ZNF577: variants seen among roughly 807,000 people sequenced by gnomAD.
ZNF577 encodes the protein zinc finger protein 577.
Under a neutral mutation model 13.9 loss-of-function variants are expected in ZNF577, and 14 were observed. That is an observed-to-expected ratio of 1.00 (90% CI 0.66 to 1.57). The LOEUF (loss-of-function observed/expected upper bound fraction) is 1.57. Among genes scored for constraint, ZNF577 ranks in the 40% most tolerant of loss-of-function variants. The pLI is 0.00. For synonymous variants in ZNF577, 203 were observed against 202.9 expected (o/e 1.00, Z 0.00); for missense variants, 555 against 579.2 (o/e 0.96, Z 0.43).
chr19:51,831,699 C>T (rs937857614), intron 9 of ZNF577, among the ~76,000 whole-genome samples: 1 of 152,098 alleles, frequency 6.6e-6, no homozygotes, highest in African/African-American at 2.4e-5. Flanking sequence ...ATAATAAAAA[C>T]ATCTGAATCC....
chr19:51,857,450 G>A (rs2084448149), intron 5 of ZNF577, among the ~76,000 whole-genome samples: 1 of 151,478 alleles, frequency 6.6e-6, no homozygotes, highest in Non-Finnish European at 1.5e-5. Flanking sequence ...AAGAAAGGAA[G>A]GAGAAGAAAT....
chr19:51,842,061 G>T (rs1268658662), intron 8 of ZNF577, among the ~76,000 whole-genome samples: 1 of 152,134 alleles, frequency 6.6e-6, no homozygotes, highest in East Asian at 1.9e-4. Flanking sequence ...ATCAAACTTG[G>T]AAAAGATTCT....
chr19:51,809,324 T>C (rs2084081963), intron 10 of ZNF577, among the ~76,000 whole-genome samples: 2 of 152,336 alleles, frequency 1.3e-5, no homozygotes, highest in South Asian at 2.1e-4. Context: ...TAGAAGTTAA[T>C]TGCAAGGGCC....
chr19:51,876,034 G>C (rs1194662379), intron 5 of ZNF577, among the ~76,000 whole-genome samples: 1 of 152,214 alleles, frequency 6.6e-6, no homozygotes, highest in Non-Finnish European at 1.5e-5. Context: ...CACAGGGAGG[G>C]AAAGGATTTT....
At chr19:51,860,855 C>T in intron 5 of ZNF577, 1 of 370,872 alleles carries the variant, frequency 2.7e-6, no homozygotes, top group Non-Finnish European at 5.1e-6. Context: ...AGATTTCTCT[C>T]GTAAACAAGA....
chr19:51,873,472 A>G lies in ZNF577; in HGVS notation c.518T>C (p.Leu173Pro). Reference protein sequence around the residue: ...CGRAFSRKAQLIQHQRTERGE... With the variant: ...CGRAFSRKAQPIQHQRTERGE... ...TCTTTCAGTTCTCTGATGTTGAATA[A>G]GCTGTGCTTTCCTGGAGAAGGCTCT... Residue 173 changes from leucine to proline, a missense_variant, in exon 6 of 6, where the codon CTT (leucine) becomes CCT (proline). Transcript: ENST00000638348. 1 of 1,614,202 alleles carries G rather than the reference A, an allele frequency of 6.2e-7. No homozygotes were observed.
At chr19:51,860,920 T>C (rs770147114) in intron 5 of ZNF577, 12 of 415,202 alleles carry the variant, frequency 2.9e-5, no homozygotes, top group South Asian at 2.1e-4. Flanking sequence ...TGAGGTGTGA[T>C]TCTTCTTAGC....
intron 9 of ZNF577, among the ~76,000 whole-genome samples, chr19:51,836,499 C>T (rs557892393): frequency 2.4e-4 from 37 of 152,212 alleles, no homozygotes; most frequent in South Asian, 1.2e-3. Context: ...TTGGCCATTT[C>T]TATGTCTTCT....
downstream of ZNF577, among the ~76,000 whole-genome samples, chr19:51,865,702 T>A (rs892306659): frequency 4.0e-4 from 61 of 152,284 alleles, no homozygotes; most frequent in African/African-American, 1.3e-3. Flanking sequence ...TTAAACACAT[T>A]TGGAAGGGGT....
rs527866838 is a variant in ZNF577 at position 51,837,339 on chromosome 19, T to C, written c.*599+2554A>G. ...ATTGGTTGATACAGCTGAGCGCTGA[T>C]TGGCCAGGGAAGGTGAACTCTGATT... On this transcript the variant is annotated intron_variant and NMD_transcript_variant, in intron 9 of 10. Transcript: ENST00000638827. 2.6e-5 allele frequency among the ~76,000 whole-genome samples: 4 copies of C among 152,332 alleles called. No homozygotes were observed. In the South Asian group the frequency reaches 6.2e-4, roughly 24 times the overall value.
chr19:51,832,869 T>C (rs1657331079), intron 9 of ZNF577, among the ~76,000 whole-genome samples: 1 of 152,228 alleles, frequency 6.6e-6, no homozygotes, highest in African/African-American at 2.4e-5. Flanking sequence ...CCGGACTCTA[T>C]TGTGTTCCAT....
rs1424582782 is a variant in ZNF577 at position 51,870,728 on chromosome 19, G to A, written c.*1804C>T. Among the ~76,000 whole-genome samples, 2 of 151,946 alleles carry A rather than the reference G, an allele frequency of 1.3e-5. No homozygotes were observed. Among genetic ancestry groups the A allele is most frequent in the Admixed American group, 6.6e-5 (1 of 15,260 alleles). The stretch of plus-strand genomic sequence containing the variant: ...TCCAATAATCCAATTCATGAATTTG[G>A]GCCACCTTGAATTCCTCAAACCCTA... On this transcript the variant is annotated 3_prime_UTR_variant, in exon 6 of 6. Coordinates refer to ENST00000638348, the MANE Select transcript of ZNF577 (RefSeq NM_001370449.1).
At chr19:51,853,839 GACAAT>G (rs1456652804) in intron 5 of ZNF577, among the ~76,000 whole-genome samples, 3 of 152,090 alleles carry the variant, frequency 2.0e-5, no homozygotes, top group South Asian at 2.1e-4. Flanking sequence ...TGCTTTGTAG[GACAAT>G]ACATTATTAT....
intron 9 of ZNF577, among the ~76,000 whole-genome samples, chr19:51,815,523 C>T (rs1259447630): frequency 1.3e-5 from 2 of 151,334 alleles, no homozygotes; most frequent in Non-Finnish European, 2.9e-5. Flanking sequence ...GAGCCAAGAT[C>T]CCGCCACTGC....
At chr19:51,831,567 C>A (rs1221823934) in intron 9 of ZNF577, among the ~76,000 whole-genome samples, 1 of 152,224 alleles carries the variant, frequency 6.6e-6, no homozygotes, top group African/African-American at 2.4e-5. Flanking sequence ...AATCTTTCTG[C>A]ATTCACTCTT....
At chr19:51,883,526 T>G (rs1192880927) in intron 1 of ZNF577, among the ~76,000 whole-genome samples, 1 of 152,094 alleles carries the variant, frequency 6.6e-6, no homozygotes, top group African/African-American at 2.4e-5. Flanking sequence ...AGTCCCATGT[T>G]CAATTTTTTT....
chr19:51,854,603 G>C (rs1162247123), intron 5 of ZNF577, among the ~76,000 whole-genome samples: 1 of 150,654 alleles, frequency 6.6e-6, no homozygotes, highest in Admixed American at 6.6e-5. Context: ...CAAAGTACTG[G>C]GTTTACAAGT....
intron 9 of ZNF577, among the ~76,000 whole-genome samples, chr19:51,828,256 T>C (rs1044145906): frequency 1.3e-5 from 2 of 151,788 alleles, no homozygotes; most frequent in African/African-American, 4.8e-5. Flanking sequence ...TAATCCCAGC[T>C]ACTTGGAAGA....
chr19:51,846,514 CCTGGCCAA>C (rs1395614390), intron 5 of ZNF577, among the ~76,000 whole-genome samples: 1 of 152,074 alleles, frequency 6.6e-6, no homozygotes, highest in Non-Finnish European at 1.5e-5. Context: ...TTGAGACCAG[CCTGGCCAA>C]TATAGCAAAA....
Sources: gnomAD v4.1 joint callset for allele counts (sites outside exome capture counted in the v4.1 genomes callset) on GRCh38, gnomAD v4.1.1 for gene constraint, MANE v1.5 for transcripts, NCBI Gene and HGNC (gene_info 2026-07-23, HGNC 2026-07-21) for gene names.